CHCHD3: variants seen among roughly 807,000 people sequenced by gnomAD.
CHCHD3 encodes the protein coiled-coil-helix-coiled-coil-helix domain containing 3.
In CHCHD3, 20 loss-of-function variants were observed where a neutral mutation model predicts 38.2. That is an observed-to-expected ratio of 0.52 (90% CI 0.37 to 0.76). The LOEUF (loss-of-function observed/expected upper bound fraction) is 0.76, where lower values mean the gene tolerates loss of function less well. CHCHD3 is among the 30% of genes least tolerant of loss of function. CHCHD3 has a pLI of 0.00. For synonymous variants in CHCHD3, 82 were observed against 100.0 expected (o/e 0.82, Z 1.07); for missense variants, 245 against 279.2 (o/e 0.88, Z 0.87).
intron 3 of CHCHD3, among the ~76,000 whole-genome samples, chr7:133,001,533 T>C (rs1812572229): frequency 6.6e-6 from 1 of 152,214 alleles, no homozygotes; most frequent in African/African-American, 2.4e-5. Context: ...TTTTTTTAAT[T>C]ACTTGTTAAT....
chr7:132,785,893 C>G (rs1215946195), intron 7 of CHCHD3, among the ~76,000 whole-genome samples: 1 of 152,166 alleles, frequency 6.6e-6, no homozygotes, highest in Non-Finnish European at 1.5e-5. Flanking sequence ...AAAACCCCAA[C>G]AAGGCCGGGC....
intron 7 of CHCHD3, 78 bp from the exon 8 acceptor site, chr7:132,785,738 T>C: frequency 7.2e-7 from 1 of 1,390,664 alleles, no homozygotes; most frequent in East Asian, 2.3e-5. Flanking sequence ...TTTAGTATGA[T>C]TTGTGTTGCT....
At chr7:133,061,580 G>T (rs765076009) in intron 2 of CHCHD3, among the ~76,000 whole-genome samples, 56 of 152,274 alleles carry the variant, frequency 3.7e-4, no homozygotes, top group Non-Finnish European at 7.5e-4. Context: ...CCAACACAGT[G>T]AGTACACAGG....
At chr7:133,009,441 T>C (rs1437494467) in intron 3 of CHCHD3, among the ~76,000 whole-genome samples, 4 of 151,500 alleles carry the variant, frequency 2.6e-5, no homozygotes, top group South Asian at 2.1e-4. Context: ...CTCTGGGCTT[T>C]TGCCTTCTCT....
At chr7:133,077,203 T>C (rs1815023731) in intron 1 of CHCHD3, among the ~76,000 whole-genome samples, 1 of 152,174 alleles carries the variant, frequency 6.6e-6, no homozygotes, top group Non-Finnish European at 1.5e-5. Flanking sequence ...CCTAGATAAC[T>C]TAAGATGGTA....
At chr7:132,803,921 T>C (rs1161737791) in intron 6 of CHCHD3, among the ~76,000 whole-genome samples, 1 of 150,382 alleles carries the variant, frequency 6.6e-6, no homozygotes, top group East Asian at 2.0e-4. Flanking sequence ...AATGGGGAGT[T>C]CAAGGCTGGG....
intron 2 of CHCHD3, 39 bp downstream of exon 2, chr7:133,070,098 ATAATT>A (rs747079708): frequency 6.1e-6 from 9 of 1,464,978 alleles, no homozygotes; most frequent in Non-Finnish European, 8.4e-6. Context: ...TTTTCCACTT[ATAATT>A]TATCTCCTAA....
At chr7:133,051,333 T>G (rs984254880) in intron 2 of CHCHD3, among the ~76,000 whole-genome samples, 3 of 152,132 alleles carry the variant, frequency 2.0e-5, no homozygotes, top group Admixed American at 6.5e-5. Flanking sequence ...CGCGGGGAGA[T>G]AGCATGACAC....
chr7:132,830,015 T>C (rs1252965096), intron 6 of CHCHD3, among the ~76,000 whole-genome samples: 2 of 152,156 alleles, frequency 1.3e-5, no homozygotes, highest in Admixed American at 6.5e-5. Flanking sequence ...TTGTTAATGT[T>C]TCTTGACATT....
chr7:132,816,901 G>A (rs1018667102), intron 6 of CHCHD3, among the ~76,000 whole-genome samples: 11 of 152,166 alleles, frequency 7.2e-5, no homozygotes, highest in African/African-American at 1.4e-4. Context: ...ATCCGAGAAC[G>A]GCCAAATCTT....
At chr7:132,877,280 G>A (rs1808936542) in intron 5 of CHCHD3, among the ~76,000 whole-genome samples, 4 of 152,150 alleles carry the variant, frequency 2.6e-5, no homozygotes, top group East Asian at 1.9e-4. Flanking sequence ...AAAAGCCAAC[G>A]CATTTTGAGG....
rs1376119924 is a variant in CHCHD3 at position 132,785,031 on chromosome 7, C to T, written c.*606G>A. ...CAGTAGAAGAGGTACATTTTCTCTCCTTTTTGTCTTCTTGCCTGTATAATC... is the reference window on the plus strand; with the variant it reads ...CAGTAGAAGAGGTACATTTTCTCTCTTTTTTGTCTTCTTGCCTGTATAATC... On this transcript the variant is annotated 3_prime_UTR_variant, in exon 8 of 8. Transcript: ENST00000262570. 4 of 152,628 alleles carry T rather than the reference C, an allele frequency of 2.6e-5. No individual in the cohort carries two copies. The highest frequency in any genetic ancestry group is 4.4e-5 in the Non-Finnish European group (3 of 68,026). 9.5% of individuals were successfully genotyped at this position (152,628 alleles called of 1,614,324 possible).
chr7:133,022,706 A>G (rs1813223091), intron 3 of CHCHD3, among the ~76,000 whole-genome samples: 1 of 152,116 alleles, frequency 6.6e-6, no homozygotes, highest in Non-Finnish European at 1.5e-5. Flanking sequence ...CTTTATCAAT[A>G]GTCATTTGTC....
chr7:132,971,003 A>T (rs1811600168), intron 4 of CHCHD3, among the ~76,000 whole-genome samples: 1 of 152,182 alleles, frequency 6.6e-6, no homozygotes, highest in African/African-American at 2.4e-5. Flanking sequence ...AGTAAGACAT[A>T]AAAAAGAGTG....
chr7:132,973,635 T>C (rs1811667908), intron 4 of CHCHD3: 4 of 1,020,032 alleles, frequency 3.9e-6, no homozygotes, highest in Non-Finnish European at 4.7e-6. Context: ...GGCTTCACTA[T>C]TTGCCCATGC....
intron 4 of CHCHD3, among the ~76,000 whole-genome samples, chr7:132,964,502 A>C (rs901462068): frequency 6.6e-6 from 1 of 152,038 alleles, no homozygotes; most frequent in Non-Finnish European, 1.5e-5. Flanking sequence ...AATCACTTGA[A>C]CCCGGGAGGC....
chr7:132,998,691 T>A (rs900886015), intron 3 of CHCHD3, among the ~76,000 whole-genome samples: 4 of 152,192 alleles, frequency 2.6e-5, no homozygotes, highest in African/African-American at 4.8e-5. Context: ...CTCCTGTTTT[T>A]AAAAATGCAT....
At chr7:132,926,645 C>A (rs796864956) in intron 4 of CHCHD3, among the ~76,000 whole-genome samples, 1 of 152,042 alleles carries the variant, frequency 6.6e-6, no homozygotes, top group Non-Finnish European at 1.5e-5. Context: ...GTTCCAGGAC[C>A]CCCTTCAGAT....
chr7:132,979,657 A>T (rs1299215913), intron 3 of CHCHD3, among the ~76,000 whole-genome samples: 1 of 152,196 alleles, frequency 6.6e-6, no homozygotes, highest in Non-Finnish European at 1.5e-5. Flanking sequence ...TGTGACACTT[A>T]GAAGGGTCTC....
Sources: allele counts gnomAD v4.1 joint callset (sites outside exome capture counted in the v4.1 genomes callset), GRCh38; gene constraint gnomAD v4.1.1; transcripts MANE v1.5; gene names NCBI Gene and HGNC (gene_info 2026-07-23, HGNC 2026-07-21).